DLG2: variants seen among roughly 807,000 people sequenced by gnomAD.
DLG2 encodes the protein disks large homolog 2.
In DLG2, 45 loss-of-function variants were observed where a neutral mutation model predicts 132.5. The ratio of observed to expected loss-of-function variants is 0.34; its 90% CI spans 0.27 to 0.44. DLG2 has a LOEUF of 0.44. DLG2 is among the 20% of genes least tolerant of loss of function. The pLI is 1.00. For synonymous variants in DLG2, 424 were observed against 419.6 expected, an observed-to-expected ratio of 1.01 and a Z score of -0.13; for missense variants, 1,045 against 1,196.9, an observed-to-expected ratio of 0.87 and a Z score of 1.87.
chr11:83,719,385 G>C (rs1405208149), intron 18 of DLG2, among the ~76,000 whole-genome samples: 1 of 152,204 alleles, frequency 6.6e-6, no homozygotes, highest in Non-Finnish European at 1.5e-5. Flanking sequence ...TAGTCCATCT[G>C]TGCTGTTATA....
chr11:84,827,868 A>C (rs2078541213), intron 6 of DLG2, among the ~76,000 whole-genome samples: 1 of 151,692 alleles, frequency 6.6e-6, no homozygotes, highest in South Asian at 2.1e-4. Flanking sequence ...CAAATATTGC[A>C]TGTTCTCACT....
intron 7 of DLG2, among the ~76,000 whole-genome samples, chr11:84,310,640 T>C (rs2098277126): frequency 1.3e-5 from 2 of 152,200 alleles, no homozygotes; most frequent in African/African-American, 2.4e-5. Context: ...GTGTTATCAC[T>C]TGCTCTCTTC....
chr11:84,977,207 T>C (rs747945279), intron 6 of DLG2, among the ~76,000 whole-genome samples: 1 of 152,172 alleles, frequency 6.6e-6, no homozygotes, highest in Non-Finnish European at 1.5e-5. Flanking sequence ...GATCTGAGAA[T>C]GGGCAGATCT....
intron 6 of DLG2, among the ~76,000 whole-genome samples, chr11:84,612,603 GGTA>G (rs1479825542): frequency 6.6e-6 from 1 of 151,788 alleles, no homozygotes; most frequent in Admixed American, 6.6e-5. Context: ...AAGCTAGAGT[GGTA>G]GTTTAATTTG....
rs191422384 is a variant in DLG2, at chr11:84,254,769, G to A, written c.520-3478C>T. The stretch of plus-strand genomic sequence containing the variant: ...TAGAGGACAAGAATTTGAAGGATAA[G>A]ATCTATGTTATGTGGAATCTATGTT... On this transcript the variant is annotated intron_variant, in intron 7 of 27. Transcript: ENST00000376104. Among the ~76,000 whole-genome samples the A allele has an allele frequency of 9.2e-5, 14 of 152,252 alleles. No homozygotes were observed. The South Asian group carries it at 1.9e-3, about 20-fold the overall frequency.
intron 4 of DLG2, among the ~76,000 whole-genome samples, chr11:85,264,189 C>T (rs2077087549): frequency 1.3e-5 from 2 of 152,102 alleles, no homozygotes; most frequent in Non-Finnish European, 2.9e-5. Flanking sequence ...AGAGGAATCA[C>T]GTTTTGGAGT....
At chr11:83,576,986 G>C (rs746063891) in intron 19 of DLG2, among the ~76,000 whole-genome samples, 12 of 152,172 alleles carry the variant, frequency 7.9e-5, no homozygotes, top group Admixed American at 3.9e-4. Context: ...TTGATACTGG[G>C]TATGTCTTTG....
At chr11:84,192,554 T>C (rs1309927155) in intron 8 of DLG2, among the ~76,000 whole-genome samples, 2 of 151,720 alleles carry the variant, frequency 1.3e-5, no homozygotes, top group Non-Finnish European at 2.9e-5. Context: ...CATGGTGAAA[T>C]CCTGTCTCTA....
In DLG2 at chr11:84,916,218, G is replaced by A. The variant is rs1038326913; in HGVS notation, c.357+195443C>T. On this transcript the variant is annotated intron_variant, in intron 6 of 27. Transcript: ENST00000376104. ...AAAAAAATTAGCCGGGCGTAGTGGCGGGCGCCTGTAGTCCCAGCTACTTGG... is the reference window on the plus strand; with the variant it reads ...AAAAAAATTAGCCGGGCGTAGTGGCAGGCGCCTGTAGTCCCAGCTACTTGG... 6.9e-4 allele frequency among the ~76,000 whole-genome samples: 104 copies of A among 150,204 alleles called. 1 individual carries two copies. The highest frequency in any genetic ancestry group is 2.2e-3 in the African/African-American group (92 of 41,276).
At chr11:83,649,811 T>C (rs2069509463) in intron 18 of DLG2, among the ~76,000 whole-genome samples, 1 of 152,178 alleles carries the variant, frequency 6.6e-6, no homozygotes, top group Non-Finnish European at 1.5e-5. Context: ...CTGTTTCAGG[T>C]GGCATTTCAA....
At chr11:84,619,105 C>G (rs780989574) in intron 6 of DLG2, among the ~76,000 whole-genome samples, 1 of 151,520 alleles carries the variant, frequency 6.6e-6, no homozygotes, top group Non-Finnish European at 1.5e-5. Flanking sequence ...CTTAGGCAAA[C>G]AAAAAACATT....
chr11:84,860,007 A>G (rs2083399701), intron 6 of DLG2, among the ~76,000 whole-genome samples: 1 of 152,120 alleles, frequency 6.6e-6, no homozygotes, highest in African/African-American at 2.4e-5. Context: ...ACAGCCATGC[A>G]TTGTAATCTT....
intron 7 of DLG2, among the ~76,000 whole-genome samples, chr11:84,270,186 G>A (rs944375954): frequency 3.9e-5 from 6 of 152,164 alleles, no homozygotes; most frequent in African/African-American, 1.4e-4. Flanking sequence ...TGCCTCCAAT[G>A]ATGGAACCAA....
At chr11:84,441,248 G>A (rs1282959280) in intron 7 of DLG2, among the ~76,000 whole-genome samples, 1 of 151,956 alleles carries the variant, frequency 6.6e-6, no homozygotes, top group Non-Finnish European at 1.5e-5. Flanking sequence ...CTGGGCTCAA[G>A]TAATCTTCCT....
intron 21 of DLG2, among the ~76,000 whole-genome samples, chr11:83,506,108 G>A (rs1483006553): frequency 6.6e-6 from 1 of 152,204 alleles, no homozygotes; most frequent in Non-Finnish European, 1.5e-5. Flanking sequence ...CTTAGTTCAT[G>A]ATTGGCAGTT....
chr11:84,997,332 A>T (rs1289047263), intron 6 of DLG2: 1 of 152,184 alleles, frequency 6.6e-6, no homozygotes, highest in Non-Finnish European at 1.5e-5. Context: ...TGAATCCTCC[A>T]GGCACACAAA....
chr11:84,361,188 A>T (rs908861576), intron 7 of DLG2, among the ~76,000 whole-genome samples: 5 of 151,986 alleles, frequency 3.3e-5, no homozygotes, highest in African/African-American at 1.2e-4. Context: ...TAAAGAAATA[A>T]TGACCAATAG....
At chr11:83,926,280 T>C (rs1351782558) in intron 15 of DLG2, among the ~76,000 whole-genome samples, 1 of 152,174 alleles carries the variant, frequency 6.6e-6, no homozygotes, top group African/African-American at 2.4e-5. Flanking sequence ...CTTCTAAATG[T>C]GGATTAGGAA....
At chr11:85,599,825 TG>T (rs1304597722) in intron 2 of DLG2, among the ~76,000 whole-genome samples, 1 of 152,212 alleles carries the variant, frequency 6.6e-6, no homozygotes, top group Non-Finnish European at 1.5e-5. Flanking sequence ...TATGACTTCT[TG>T]AATAATGTCT....
Sources: allele counts gnomAD v4.1 joint callset (sites outside exome capture counted in the v4.1 genomes callset), GRCh38; gene constraint gnomAD v4.1.1; transcripts MANE v1.5; gene names NCBI Gene and HGNC (gene_info 2026-07-23, HGNC 2026-07-21).